The following FAM228B variants were observed in gnomAD, a reference collection of about 807,000 sequenced individuals.
The protein encoded by FAM228B is family with sequence similarity 228 member B, also known as protein FAM228B.
In FAM228B, 38 loss-of-function variants were observed where a neutral mutation model predicts 42.6. That is an observed-to-expected ratio of 0.89 (90% CI 0.69 to 1.17). The LOEUF is 1.17. Ranked by LOEUF, FAM228B falls within the 50% of genes most tolerant of loss-of-function variation. The pLI, the probability that FAM228B is intolerant of heterozygous loss-of-function variation, is 0.00. For synonymous variants in FAM228B, 109 were observed against 122.3 expected, an observed-to-expected ratio of 0.89 and a Z score of 0.72; for missense variants, 344 against 367.3, an observed-to-expected ratio of 0.94 and a Z score of 0.52.
Position 24,131,883 on chromosome 2 carries a change from A to G in FAM228B, c.100-3236A>G, listed in dbSNP as rs569930350. The stretch of plus-strand genomic sequence containing the variant: ...AGTAATATGTTGAATAGGAATTGTG[A>G]GAGAGGGCATCCTTGTCTTGTGCTG... On this transcript the variant is annotated intron_variant, in intron 2 of 10. Transcript: ENST00000615575. Among the ~76,000 whole-genome samples, 48 of 152,328 alleles carry G rather than the reference A, an allele frequency of 3.2e-4. No individual in the cohort carries two copies. The South Asian group carries it at 6.2e-3, about 20-fold the overall frequency.
At chr2:24,079,573 C>T in intron 1 of FAM228B, 1 of 1,614,154 alleles carries the variant, frequency 6.2e-7, no homozygotes, top group Non-Finnish European at 8.5e-7. Flanking sequence ...CATCAAGAGC[C>T]AGGCAGTTGA....
At chr2:24,152,748 G>A (rs745739817) in intron 7 of FAM228B, among the ~76,000 whole-genome samples, 3 of 152,166 alleles carry the variant, frequency 2.0e-5, no homozygotes, top group South Asian at 2.1e-4. Flanking sequence ...GTATAGCACC[G>A]AGTCTTGCAC....
chr2:24,141,304 C>T (rs780717763), intron 5 of FAM228B, among the ~76,000 whole-genome samples: 3 of 152,040 alleles, frequency 2.0e-5, no homozygotes, highest in East Asian at 1.9e-4. Flanking sequence ...AGTGCAGTGG[C>T]GTGATCTTGG....
chr2:24,106,313 A>ATCC (rs1665696981), intron 3 of FAM228B, among the ~76,000 whole-genome samples: 1 of 119,284 alleles, frequency 8.4e-6, no homozygotes, highest in Non-Finnish European at 1.8e-5. Flanking sequence ...TATATTCAGC[A>ATCC]TTCTTTTTTT....
chr2:24,097,986 A>G (rs1009361223), intron 3 of FAM228B, among the ~76,000 whole-genome samples: 23 of 152,324 alleles, frequency 1.5e-4, no homozygotes, highest in Admixed American at 9.8e-4. Context: ...AACTCACTCA[A>G]ATCCACACAA....
At position 24,161,502 on chromosome 2, in the gene FAM228B, A is replaced by G. The variant is rs746983092; in HGVS notation, c.687-4A>G. 7.5e-6 allele frequency: 11 copies of G among 1,461,702 alleles called. No homozygotes were observed. The highest frequency in any genetic ancestry group is 3.7e-5 in the South Asian group (3 of 80,184). The allele number at this position is 1,461,702 out of a possible 1,614,324, so 90.5% of individuals were successfully genotyped here. A position where few individuals can be genotyped will look rare whatever the true frequency, so the allele number is the denominator to read the frequency against. On this transcript the variant is annotated splice_polypyrimidine_tract_variant and splice_region_variant and intron_variant, in intron 7 of 10. Coordinates refer to ENST00000615575, the MANE Select transcript of FAM228B (RefSeq NM_001145710.2). Reference sequence around the variant, plus strand: ...ACCTTCTCACACTTGTTATCTTGTTAAAGGTTAAAGGTGAAAGTGAATTTT... The same window carrying G: ...ACCTTCTCACACTTGTTATCTTGTTGAAGGTTAAAGGTGAAAGTGAATTTT...
intron 5 of FAM228B, among the ~76,000 whole-genome samples, chr2:24,145,706 CTTTT>C (rs34354190): frequency 4.4e-5 from 5 of 114,316 alleles, no homozygotes; most frequent in Non-Finnish European, 5.8e-5. Flanking sequence ...TTTTTTGTTC[CTTTT>C]TTTTTTTTTT....
At position 24,124,115 on chromosome 2, in the gene FAM228B, C is replaced by G. The variant is rs567225770; in HGVS notation, c.-32-215C>G. 4 of 339,942 alleles carry G rather than the reference C, an allele frequency of 1.2e-5. No individual in the cohort carries two copies. In the South Asian group the frequency reaches 2.1e-4, roughly 18 times the overall value. 21.1% of individuals were successfully genotyped at this position (339,942 alleles called of 1,614,324 possible). A position where few individuals can be genotyped will look rare whatever the true frequency, so the allele number is the denominator to read the frequency against. ...GGACGTGGGAATCCATTCCAAGGGA[C>G]GGGGGATTCTTTCAAAGAGCATCTC... On this transcript the variant is annotated intron_variant, in intron 1 of 10. Transcript: ENST00000615575.
intron 3 of FAM228B, among the ~76,000 whole-genome samples, chr2:24,136,552 G>A (rs987863896): frequency 3.9e-5 from 6 of 151,918 alleles, no homozygotes; most frequent in South Asian, 2.1e-4. Context: ...TTGTAGAGAC[G>A]GAGTCTGACT....
intron 5 of FAM228B, among the ~76,000 whole-genome samples, chr2:24,143,808 G>A (rs1365169239): frequency 6.6e-6 from 1 of 151,958 alleles, no homozygotes; most frequent in Non-Finnish European, 1.5e-5. Context: ...ATAGATCTAA[G>A]CCATATACAC....
intron 2 of FAM228B, among the ~76,000 whole-genome samples, chr2:24,092,267 T>C (rs1665408369): frequency 7.6e-6 from 1 of 132,040 alleles, no homozygotes; most frequent in African/African-American, 2.8e-5. Context: ...GAAAGACTTA[T>C]ATTACCAGAT....
intron 7 of FAM228B, among the ~76,000 whole-genome samples, chr2:24,158,429 C>A (rs1667211099): frequency 6.6e-6 from 1 of 152,006 alleles, no homozygotes; most frequent in Non-Finnish European, 1.5e-5. Flanking sequence ...GTCTGTGAAT[C>A]TAGCTTGTAG....
intron 4 of FAM228B, among the ~76,000 whole-genome samples, chr2:24,138,605 G>C (rs1666664063): frequency 6.6e-6 from 1 of 151,506 alleles, no homozygotes; most frequent in Non-Finnish European, 1.5e-5. Flanking sequence ...AAAGTGCTGG[G>C]ATTACAGGTG....
chr2:24,081,472 C>T (rs1041407268), intron 2 of FAM228B, among the ~76,000 whole-genome samples: 5 of 152,206 alleles, frequency 3.3e-5, no homozygotes, highest in African/African-American at 1.2e-4. Context: ...TCTTCCTGAT[C>T]CAGGCAACAC....
intron 7 of FAM228B, 82 bp from the exon 8 acceptor site, chr2:24,161,424 C>A: frequency 1.2e-6 from 1 of 828,276 alleles, no homozygotes; most frequent in Non-Finnish European, 1.9e-6. Context: ...TGCACCACAG[C>A]CTGAGCAACA....
intron 3 of FAM228B, among the ~76,000 whole-genome samples, chr2:24,098,743 A>G (rs570245922): frequency 8.3e-4 from 126 of 152,364 alleles, no homozygotes; most frequent in African/African-American, 2.9e-3. Context: ...AACTATTCCA[A>G]TCAATAGAAA....
intron 2 of FAM228B, among the ~76,000 whole-genome samples, chr2:24,086,931 G>A (rs578010182): frequency 8.5e-5 from 13 of 152,200 alleles, no homozygotes; most frequent in African/African-American, 3.1e-4. Flanking sequence ...TGCAAAAATC[G>A]ACACTAAAAC....
At position 24,084,062 on chromosome 2, in the gene FAM228B, C is replaced by A. The variant is rs1401942394; in HGVS notation, c.-210+3107C>A. 11 of 1,392,834 alleles carry A rather than the reference C, an allele frequency of 7.9e-6. No individual in the cohort carries two copies. Among genetic ancestry groups the A allele is most frequent in the Non-Finnish European group, 1.0e-5 (11 of 1,059,886 alleles). The allele number at this position is 1,392,834 out of a possible 1,614,324, so 86.3% of individuals were successfully genotyped here. ...GCGCCCTGGGTTTAGGTCTGGGAAG[C>A]CCCAGCGCAGCTGCCTGCTGGGTGT... is the stretch of plus-strand genomic sequence containing the variant. On this transcript the variant is annotated intron_variant, in intron 2 of 10. Transcript: ENST00000613899. The surrounding 1 kb of genome is among the most constrained non-coding windows in gnomAD (Gnocchi z 8.4).
At chr2:24,083,208 T>C (rs2150986807) in intron 2 of FAM228B, 1 of 1,505,048 alleles carries the variant, frequency 6.6e-7, no homozygotes, top group Non-Finnish European at 8.9e-7. Context: ...TGTATGTCAC[T>C]ACCCCTGGCC....
Sources: gnomAD v4.1 joint callset for allele counts (sites outside exome capture counted in the v4.1 genomes callset) on GRCh38, gnomAD v4.1.1 for gene constraint, Gnocchi (gnomAD v3.1) non-coding constraint, MANE v1.5 for transcripts, NCBI Gene and HGNC (gene_info 2026-07-23, HGNC 2026-07-21) for gene names.